Variants in MED22 observed in about 807,000 individuals in gnomAD.
MED22 encodes mediator of RNA polymerase II transcription subunit 22.
Under a neutral mutation model 22.7 loss-of-function variants are expected in MED22, and 22 were observed. The ratio of observed to expected loss-of-function variants is 0.97; its 90% confidence interval spans 0.69 to 1.38. The LOEUF (loss-of-function observed/expected upper bound fraction) is 1.38. MED22 is among the 40% of genes most tolerant of loss of function. MED22 has a pLI of 0.00. For missense variants in MED22, 247 were observed against 263.0 expected (o/e 0.94, Z 0.42); for synonymous variants, 134 against 119.4 (o/e 1.12, Z -0.80).
At chr9:133,344,574 A>T (rs1475928447) in intron 3 of MED22, among the ~76,000 whole-genome samples, 2 of 152,170 alleles carry the variant, frequency 1.3e-5, no homozygotes, top group Non-Finnish European at 2.9e-5. Flanking sequence ...CTCCTGCAGG[A>T]CTGGCCTCCA....
rs1222227915 is a variant in MED22, at chr9:133,346,578, T to TG, written c.84dup (p.Ile29HisfsTer15). 5 of 1,613,048 alleles carry TG rather than the reference T, an allele frequency of 3.1e-6. No individual in the cohort carries two copies. In the African/African-American group the frequency reaches 5.3e-5, roughly 17 times the overall value. ...ATGATCTCGGTGAAGTTGTCCATGATGGACTTAATGTCGTCCTTCAGCCGC... is the reference window on the plus strand; with the variant it reads ...ATGATCTCGGTGAAGTTGTCCATGATGGGACTTAATGTCGTCCTTCAGCCGC... On this transcript the variant is annotated frameshift_variant, in exon 2 of 5. Transcript: ENST00000343730. LOFTEE classifies it high-confidence loss of function.
chr9:133,345,547 G>A (rs2129965675), intron 2 of MED22, among the ~76,000 whole-genome samples: 3 of 152,242 alleles, frequency 2.0e-5, no homozygotes, highest in Non-Finnish European at 4.4e-5. Context: ...ATCTTGGCCC[G>A]GTCTTTTTGG....
chr9:133,342,757 G>A (rs1276190190), intron 4 of MED22: 12 of 985,758 alleles, frequency 1.2e-5, no homozygotes, highest in South Asian at 4.7e-5. Flanking sequence ...TGGAAGCCCC[G>A]CTGGGTGAAG....
chr9:133,342,006 A>C, intron 4 of MED22: 1 of 1,156,322 alleles, frequency 8.6e-7, no homozygotes, highest in Non-Finnish European at 1.1e-6. Context: ...TATGCCTCCC[A>C]GCTGGTGCTG....
chr9:133,341,549 C>T lies in MED22; in HGVS notation c.559G>A (p.Ala187Thr). The T allele has an allele frequency of 6.4e-7, 1 of 1,551,996 alleles. No individual in the cohort carries two copies. Among genetic ancestry groups the T allele is most frequent in the Non-Finnish European group, 8.6e-7 (1 of 1,157,988 alleles). Residue 187 changes from alanine (A) to threonine (T), a missense_variant, in exon 5 of 5, where the codon GCC becomes ACC. Physicochemically the swap from Ala to Thr is moderately conservative, Grantham distance 58. Coordinates refer to ENST00000343730, the MANE Select transcript of MED22 (RefSeq NM_133640.5). ...SAGPLQVAAP[A>T]HSHAGGPGPT... is the part of the protein sequence containing the mutation. Reference sequence around the variant, plus strand: ...CCAGGGCCACCAGCATGGGAGTGGGCAGGGGCTGCCACCTGTAGGGGGCCA... The same window carrying T: ...CCAGGGCCACCAGCATGGGAGTGGGTAGGGGCTGCCACCTGTAGGGGGCCA...
Position 133,338,555 on chromosome 9 carries a change from C to T in MED22, c.*2950G>A, listed in dbSNP as rs2129940956. ...TCCCGACCTCAGGTGATCTGCCCGC[C>T]TCGGCCTCCCAAAGTGCTGGGATTA... On this transcript the variant is annotated 3_prime_UTR_variant, in exon 5 of 5. Coordinates refer to ENST00000343730, the MANE Select transcript of MED22 (RefSeq NM_133640.5). The T allele has an allele frequency of 2.3e-5, 4 of 171,742 alleles. No individual in the cohort carries two copies. The highest frequency in any genetic ancestry group is 7.2e-5 in the African/African-American group (3 of 41,950). 10.6% of individuals were successfully genotyped at this position (171,742 alleles called of 1,614,324 possible).
At chr9:133,342,331 C>G in intron 4 of MED22, 6 of 985,992 alleles carry the variant, frequency 6.1e-6, no homozygotes, top group Non-Finnish European at 7.2e-6. Context: ...TGTGACAATC[C>G]ACGCTCGCCT....
rs2129950333 is a variant in MED22, at chr9:133,341,703, C to G, written c.414-9G>C. Reference sequence around the variant, plus strand: ...CTTCGCAAAGGCTTGAGCTTTTCCACCACCAGAAACCCCAGGGAGAGACAG... The same window carrying G: ...CTTCGCAAAGGCTTGAGCTTTTCCAGCACCAGAAACCCCAGGGAGAGACAG... On this transcript the variant is annotated splice_polypyrimidine_tract_variant and intron_variant, in intron 4 of 4. Coordinates refer to ENST00000343730, the MANE Select transcript of MED22 (RefSeq NM_133640.5). 4.4e-6 allele frequency: 7 copies of G among 1,604,304 alleles called. No homozygotes were observed. The South Asian group carries it at 7.8e-5, about 18-fold the overall frequency.
chr9:133,341,756 G>A (rs1836011831), intron 4 of MED22, 62 bp from the exon 5 acceptor site: 1 of 1,575,056 alleles, frequency 6.3e-7, no homozygotes, highest in Non-Finnish European at 8.6e-7. Flanking sequence ...AGCCAGGGGA[G>A]GGGAGAGCAA....
At chr9:133,346,767 T>C in intron 1 of MED22, 67 bp from the exon 2 acceptor site, 1 of 1,361,862 alleles carries the variant, frequency 7.3e-7, no homozygotes, top group South Asian at 1.4e-5. Context: ...TGCCCCAACC[T>C]TAGCAGAACA....
chr9:133,342,851 A>G, intron 4 of MED22: 2 of 985,602 alleles, frequency 2.0e-6, no homozygotes, highest in Non-Finnish European at 2.4e-6. Context: ...GGCCGTGAGC[A>G]GGTTCCCTCT....
Position 133,348,104 on chromosome 9 carries a change from C to A in MED22, c.-221G>T. The A allele has an allele frequency of 4.7e-6, 6 of 1,285,612 alleles. No individual in the cohort carries two copies. The highest frequency in any genetic ancestry group is 4.5e-6 in the Non-Finnish European group (4 of 890,302). 79.6% of individuals were successfully genotyped at this position (1,285,612 alleles called of 1,614,324 possible). ...AGTCAGCCGCCGCAGCCTCTCGGCCCCGCCTCGATTTTTAGCTTTATAGGA... is the reference window on the plus strand; with the variant it reads ...AGTCAGCCGCCGCAGCCTCTCGGCCACGCCTCGATTTTTAGCTTTATAGGA... On this transcript the variant is annotated 5_prime_UTR_variant, in exon 1 of 5. Transcript: ENST00000343730.
At chr9:133,343,673 G>A in intron 4 of MED22, 7 of 1,258,974 alleles carry the variant, frequency 5.6e-6, no homozygotes, top group Non-Finnish European at 7.0e-6. Flanking sequence ...CATCCACATG[G>A]AATTGCATCC....
chr9:133,343,295 G>C, intron 4 of MED22: 2 of 1,226,788 alleles, frequency 1.6e-6, no homozygotes, highest in Non-Finnish European at 2.0e-6. Flanking sequence ...CATGGACTCT[G>C]CATCTGCTGG....
rs1835945873 is a variant in MED22, at chr9:133,338,774, C to T, written c.*2731G>A. 1 of 351,064 alleles carries T rather than the reference C, an allele frequency of 2.8e-6. No individual in the cohort carries two copies. The highest frequency in any genetic ancestry group is 5.5e-6 in the Non-Finnish European group (1 of 180,246). 21.7% of individuals were successfully genotyped at this position (351,064 alleles called of 1,614,324 possible). A position where few individuals can be genotyped will look rare whatever the true frequency, so the allele number is the denominator to read the frequency against. On this transcript the variant is annotated 3_prime_UTR_variant, in exon 5 of 5. Transcript: ENST00000343730. ...ATACTTTTTAGTAGAGACGGGGTTTCTCCATGTTGCCCAGGCTGGTCTCAA... is the reference window on the plus strand; with the variant it reads ...ATACTTTTTAGTAGAGACGGGGTTTTTCCATGTTGCCCAGGCTGGTCTCAA...
rs1049624932 is a variant in MED22 at position 133,348,111 on chromosome 9, G to T, written c.-228C>A. On this transcript the variant is annotated 5_prime_UTR_variant, in exon 1 of 5. Transcript: ENST00000343730. Reference sequence around the variant, plus strand: ...CGCCGCAGCCTCTCGGCCCCGCCTCGATTTTTAGCTTTATAGGAATGCTGT... The same window carrying T: ...CGCCGCAGCCTCTCGGCCCCGCCTCTATTTTTAGCTTTATAGGAATGCTGT... The T allele has an allele frequency of 7.4e-7, 1 of 1,358,370 alleles. No homozygotes were observed. Among genetic ancestry groups the T allele is most frequent in the Non-Finnish European group, 1.0e-6 (1 of 954,048 alleles). 84.1% of individuals were successfully genotyped at this position (1,358,370 alleles called of 1,614,324 possible).
At chr9:133,344,082 G>T in intron 4 of MED22, 43 bp downstream of exon 4, 1 of 1,605,118 alleles carries the variant, frequency 6.2e-7, no homozygotes. Context: ...GGCCCAGGTA[G>T]GCAGGCTCCC....
chr9:133,341,519 T>G lies in MED22; in HGVS notation c.589A>C (p.Thr197Pro). ...GCCCCGGAGGCTCAGGCGTGCTCAG[T>G]GGGGCCAGGGCCACCAGCATGGGAG... ...AHSHAGGPGP[T>P]EHA The change falls in exon 5 of 5, where the codon ACT (threonine) becomes CCT (proline). Residue 197 changes from threonine to proline, a missense_variant. By Grantham distance (38) the Thr-to-Pro change is conservative. Coordinates refer to ENST00000343730, the MANE Select transcript of MED22 (RefSeq NM_133640.5). 1 of 1,518,614 alleles carries G rather than the reference T, an allele frequency of 6.6e-7. No individual in the cohort carries two copies. Among genetic ancestry groups the G allele is most frequent in the Non-Finnish European group, 8.7e-7 (1 of 1,143,870 alleles). 94.1% of individuals were successfully genotyped at this position (1,518,614 alleles called of 1,614,324 possible). A position where few individuals can be genotyped will look rare whatever the true frequency, so the allele number is the denominator to read the frequency against.
intron 4 of MED22, chr9:133,343,150 G>T: frequency 9.6e-7 from 1 of 1,046,422 alleles, no homozygotes; most frequent in Non-Finnish European, 1.1e-6. Context: ...ACTGAGCCCA[G>T]GGCAGGGAAA....
Sources: gnomAD v4.1 joint callset for allele counts (sites outside exome capture counted in the v4.1 genomes callset) on GRCh38, gnomAD v4.1.1 for gene constraint, MANE v1.5 for transcripts, NCBI Gene and HGNC (gene_info 2026-07-23, HGNC 2026-07-21) for gene names.